The following POLA1 variants were observed in gnomAD, a reference collection of about 807,000 sequenced individuals.
POLA1 encodes DNA polymerase alpha catalytic subunit.
A neutral mutation model predicts 124.0 loss-of-function variants in POLA1; 15 were observed. The ratio of observed to expected loss-of-function variants is 0.12; its 90% CI spans 0.08 to 0.19. POLA1 has a LOEUF of 0.19. POLA1 is among the 10% of genes least tolerant of loss of function. POLA1 has a pLI of 1.00. For synonymous variants in POLA1, 408 were observed against 389.4 expected (o/e 1.05, Z -0.56); for missense variants, 886 against 1,103.4 (o/e 0.80, Z 2.79).
chrX:24,764,743 G>A (rs990781637), intron 26 of POLA1, among the ~76,000 whole-genome samples: 2 of 111,271 alleles, frequency 1.8e-5, no homozygotes, highest in African/African-American at 6.5e-5. Context: ...CATTACAGTC[G>A]TAAGGTGCAG....
chrX:24,897,002 A>G (rs1033894570), intron 35 of POLA1, among the ~76,000 whole-genome samples: 1 of 111,824 alleles, frequency 8.9e-6, no homozygotes, highest in Non-Finnish European at 1.9e-5. Context: ...GGAGCACTTC[A>G]CTTTGCTGAT....
chrX:24,889,242 A>G (rs11573461), intron 35 of POLA1, among the ~76,000 whole-genome samples: 44 of 111,616 alleles, frequency 3.9e-4, no homozygotes, highest in Non-Finnish European at 7.0e-4. Flanking sequence ...ACTCCCAACT[A>G]GAAAGCATGG....
Position 24,703,361 on chromosome X carries a change from A to G in POLA1, c.265+14A>G, listed in dbSNP as rs1928585008. The G allele has an allele frequency of 5.8e-6, 4 of 695,405 alleles. No individual in the cohort carries two copies. Among genetic ancestry groups the G allele is most frequent in the Admixed American group, 2.5e-5 (1 of 40,292 alleles). 57.3% of individuals were successfully genotyped at this position (695,405 alleles called of 1,213,427 possible). ...TTGTGGATGATGGTAGGTGGGGCGG[A>G]GGTGGGGGCGGGGATGTTGCTTCCT... On this transcript the variant is annotated intron_variant, in intron 3 of 36. Coordinates refer to ENST00000379068, the MANE Select transcript of POLA1 (RefSeq NM_001330360.2).
chrX:24,783,248 A>G (rs753008630), intron 26 of POLA1, among the ~76,000 whole-genome samples: 2 of 111,716 alleles, frequency 1.8e-5, no homozygotes, highest in Admixed American at 9.5e-5. Flanking sequence ...ACCAAAACCT[A>G]TGGTCAGCCA....
intron 26 of POLA1, among the ~76,000 whole-genome samples, chrX:24,762,421 T>C (rs939905560): frequency 5.3e-5 from 6 of 112,512 alleles, no homozygotes. Flanking sequence ...TGAGTCTTGA[T>C]AGCAAAGGCC....
chrX:24,747,499 T>C (rs1484020953), intron 24 of POLA1, among the ~76,000 whole-genome samples: 2 of 110,956 alleles, frequency 1.8e-5, no homozygotes, highest in Non-Finnish European at 3.8e-5. Flanking sequence ...TTTATTAGCT[T>C]TTAATTATTA....
chrX:24,948,579 A>T (rs1013398170), intron 36 of POLA1, among the ~76,000 whole-genome samples: 5 of 112,128 alleles, frequency 4.5e-5, no homozygotes, highest in African/African-American at 1.6e-4. Context: ...TTGAATTATC[A>T]ACTGAATAAA....
chrX:24,794,539 A>C (rs1292543534), intron 26 of POLA1, among the ~76,000 whole-genome samples: 1 of 112,491 alleles, frequency 8.9e-6, no homozygotes, highest in East Asian at 2.8e-4. Flanking sequence ...GCAAGTATGT[A>C]ATGCTGTAGT....
At chrX:24,694,694 A>G (rs768242648) in intron 1 of POLA1, among the ~76,000 whole-genome samples, 2 of 112,332 alleles carry the variant, frequency 1.8e-5, no homozygotes, top group Non-Finnish European at 3.8e-5. Context: ...AAAATAGAAT[A>G]CAAAAATGCA....
chrX:24,889,719 A>G (rs993295110), intron 35 of POLA1, among the ~76,000 whole-genome samples: 1 of 112,178 alleles, frequency 8.9e-6, no homozygotes, highest in African/African-American at 3.2e-5. Context: ...GAGTCCTGCT[A>G]TGTTGTCCAG....
At chrX:24,707,232 A>G (rs1377201349) in intron 4 of POLA1, among the ~76,000 whole-genome samples, 1 of 112,234 alleles carries the variant, frequency 8.9e-6, no homozygotes, top group Non-Finnish European at 1.9e-5. Flanking sequence ...GTCATCTTGA[A>G]CTAATCCCAT....
At chrX:24,789,192 G>T in intron 26 of POLA1, 1 of 599,351 alleles carries the variant, frequency 1.7e-6, no homozygotes, top group Non-Finnish European at 2.7e-6. Flanking sequence ...TAAAAGGCAT[G>T]CAAATCAGAA....
chrX:24,974,653 G>A (rs781146590), intron 36 of POLA1, among the ~76,000 whole-genome samples: 3 of 108,552 alleles, frequency 2.8e-5, no homozygotes, highest in Non-Finnish European at 5.7e-5. Context: ...GGGCATGTTG[G>A]GGGGTGGGGG....
At chrX:24,745,889 C>T (rs183430870) in intron 24 of POLA1, among the ~76,000 whole-genome samples, 6 of 111,662 alleles carry the variant, frequency 5.4e-5, no homozygotes, top group Admixed American at 9.5e-5. Context: ...TATGGCCTTT[C>T]GGTATCTGGC....
At chrX:24,864,327 A>G (rs1226316226) in intron 34 of POLA1, among the ~76,000 whole-genome samples, 1 of 111,930 alleles carries the variant, frequency 8.9e-6, no homozygotes, top group Non-Finnish European at 1.9e-5. Flanking sequence ...GGGTTAGATT[A>G]TAGTGTATGT....
At chrX:24,735,531 C>T (rs768500415) in intron 18 of POLA1, 43 bp downstream of exon 18, 1 of 778,983 alleles carries the variant, frequency 1.3e-6, no homozygotes, top group African/African-American at 2.0e-5. Context: ...CTCTTCATTT[C>T]TTAGTTCTTT....
chrX:24,768,510 C>T (rs1245428894), intron 26 of POLA1, among the ~76,000 whole-genome samples: 2 of 112,085 alleles, frequency 1.8e-5, no homozygotes, highest in African/African-American at 6.5e-5. Context: ...AGGTTGTTTG[C>T]CTTAAGCAGA....
At chrX:24,969,985 A>G (rs2048281220) in intron 36 of POLA1, among the ~76,000 whole-genome samples, 1 of 112,576 alleles carries the variant, frequency 8.9e-6, no homozygotes, top group African/African-American at 3.2e-5. Context: ...CCATGTGCCT[A>G]GAAAGGACAT....
intron 33 of POLA1, 101 bp downstream of exon 33, chrX:24,841,931 C>T: frequency 1.8e-6 from 1 of 547,805 alleles, no homozygotes; most frequent in East Asian, 3.7e-5. Flanking sequence ...TAAACACACA[C>T]ATGTTGCTTT....
Sources: gnomAD v4.1 joint callset for allele counts (sites outside exome capture counted in the v4.1 genomes callset) on GRCh38, gnomAD v4.1.1 for gene constraint, MANE v1.5 for transcripts, NCBI Gene and HGNC (gene_info 2026-07-23, HGNC 2026-07-21) for gene names.